EYS: variants seen among roughly 807,000 people sequenced by gnomAD.
EYS encodes protein eyes shut homolog.
Under a neutral mutation model 282.1 loss-of-function variants are expected in EYS, and 250 were observed. The ratio of observed to expected loss-of-function variants is 0.89; its 90% confidence interval spans 0.80 to 0.98. The LOEUF (loss-of-function observed/expected upper bound fraction) is 0.98, where lower values mean the gene tolerates loss of function less well. Ranked by LOEUF, EYS falls within the 50% of genes least tolerant of loss-of-function variation. EYS has a pLI of 0.00. For missense variants in EYS, 4,016 were observed against 3,709.0 expected, an observed-to-expected ratio of 1.08 and a Z score of -2.15; for synonymous variants, 1,355 against 1,282.9, an observed-to-expected ratio of 1.06 and a Z score of -1.20.
intron 33 of EYS, among the ~76,000 whole-genome samples, chr6:64,010,387 T>TG (rs398072771): frequency 7.0e-5 from 8 of 114,968 alleles, no homozygotes; most frequent in African/African-American, 3.4e-4. Flanking sequence ...TGTGTGTGTG[T>TG]TTGGTTGGGG....
At chr6:64,090,558 G>A (rs1429692741) in intron 31 of EYS, among the ~76,000 whole-genome samples, 2 of 151,998 alleles carry the variant, frequency 1.3e-5, no homozygotes, top group East Asian at 3.9e-4. Context: ...TGTGACAGCT[G>A]TGAGTTCCTT....
intron 22 of EYS, among the ~76,000 whole-genome samples, chr6:64,726,214 C>T (rs913412397): frequency 6.6e-6 from 1 of 152,060 alleles, no homozygotes; most frequent in Non-Finnish European, 1.5e-5. Flanking sequence ...CTCTTTCCCC[C>T]ACATCACCTC....
At chr6:65,689,129 G>A (rs944819683) in intron 1 of EYS, among the ~76,000 whole-genome samples, 20 of 150,038 alleles carry the variant, frequency 1.3e-4, no homozygotes, top group African/African-American at 3.6e-4. Context: ...CAACCCAAAC[G>A]TCCAACAATG....
chr6:65,178,793 T>C (rs530782327), intron 12 of EYS, among the ~76,000 whole-genome samples: 4 of 152,054 alleles, frequency 2.6e-5, no homozygotes, highest in Non-Finnish European at 4.4e-5. Context: ...TATTCCAAAA[T>C]TGACCGTATA....
intron 5 of EYS, among the ~76,000 whole-genome samples, chr6:65,426,363 T>C (rs1265031905): frequency 6.6e-6 from 1 of 152,092 alleles, no homozygotes; most frequent in Non-Finnish European, 1.5e-5. Context: ...CTAAATAAAA[T>C]ACAGGGGTAA....
At chr6:64,470,589 TAA>T (rs1776093689) in intron 26 of EYS, among the ~76,000 whole-genome samples, 14 of 151,988 alleles carry the variant, frequency 9.2e-5, no homozygotes, top group Admixed American at 9.2e-4. Flanking sequence ...TAACTATAGC[TAA>T]TGAGCTAAAA....
intron 22 of EYS, among the ~76,000 whole-genome samples, chr6:64,717,365 C>T (rs1430646034): frequency 1.3e-5 from 2 of 152,184 alleles, no homozygotes; most frequent in Non-Finnish European, 2.9e-5. Flanking sequence ...CATATCACCA[C>T]CTCAGCTCCA....
chr6:64,716,239 T>C (rs1771386045), intron 22 of EYS, among the ~76,000 whole-genome samples: 1 of 152,148 alleles, frequency 6.6e-6, no homozygotes, highest in South Asian at 2.1e-4. Flanking sequence ...CAGAAAGCAG[T>C]CAAGTCATGG....
At chr6:63,729,858 T>G (rs984088740) in intron 41 of EYS, among the ~76,000 whole-genome samples, 1 of 152,214 alleles carries the variant, frequency 6.6e-6, no homozygotes, top group African/African-American at 2.4e-5. Context: ...ACCTCTCATC[T>G]AATTCCATGA....
At chr6:65,136,469 C>A (rs1440710186) in intron 12 of EYS, among the ~76,000 whole-genome samples, 10 of 151,878 alleles carry the variant, frequency 6.6e-5, no homozygotes, top group Admixed American at 5.9e-4. Flanking sequence ...GCAAGGTCTA[C>A]CCTGAAAACA....
intron 22 of EYS, among the ~76,000 whole-genome samples, chr6:64,674,268 A>T (rs1769572830): frequency 6.6e-6 from 1 of 152,108 alleles, no homozygotes. Flanking sequence ...CTGATACATC[A>T]TGTAGAGAAT....
chr6:63,734,177 A>G (rs1344987771), intron 41 of EYS, among the ~76,000 whole-genome samples: 1 of 152,166 alleles, frequency 6.6e-6, no homozygotes, highest in African/African-American at 2.4e-5. Flanking sequence ...TACTATGCTC[A>G]CTACCTGGGT....
chr6:64,907,231 A>T (rs570282803), intron 16 of EYS, among the ~76,000 whole-genome samples: 19 of 151,856 alleles, frequency 1.3e-4, no homozygotes, highest in Admixed American at 7.9e-4. Context: ...TTTTTTTTAA[A>T]TTTTTTTGTA....
At chr6:65,197,617 T>A (rs371976165) in intron 12 of EYS, among the ~76,000 whole-genome samples, 4 of 152,278 alleles carry the variant, frequency 2.6e-5, no homozygotes, top group African/African-American at 9.6e-5. Flanking sequence ...CATCCTTTAG[T>A]GATTTCATCA....
chr6:64,828,905 A>T (rs1428864554), intron 19 of EYS, among the ~76,000 whole-genome samples: 1 of 151,984 alleles, frequency 6.6e-6, no homozygotes, highest in East Asian at 1.9e-4. Flanking sequence ...TATAAACTGG[A>T]AATGGATTGC....
intron 29 of EYS, among the ~76,000 whole-genome samples, chr6:64,323,479 T>C (rs1770293946): frequency 1.3e-5 from 2 of 152,172 alleles, no homozygotes; most frequent in Non-Finnish European, 2.9e-5. Flanking sequence ...TGCTATGATG[T>C]TTCATGTACA....
intron 12 of EYS, among the ~76,000 whole-genome samples, chr6:65,226,673 A>G (rs546526412): frequency 6.6e-6 from 1 of 152,328 alleles, no homozygotes; most frequent in Admixed American, 6.5e-5. Context: ...TATTGTTTAT[A>G]GAAGTATGAA....
intron 12 of EYS, among the ~76,000 whole-genome samples, chr6:65,195,216 T>A (rs546182094): frequency 6.6e-6 from 1 of 152,192 alleles, no homozygotes; most frequent in East Asian, 1.9e-4. Flanking sequence ...CTACATATCC[T>A]TTTGCTTATT....
chr6:64,765,853 T>G (rs1773312013), intron 22 of EYS, among the ~76,000 whole-genome samples: 1 of 152,006 alleles, frequency 6.6e-6, no homozygotes, highest in Non-Finnish European at 1.5e-5. Context: ...AGGATACAAC[T>G]TGAGATGAGA....
Sources: allele counts gnomAD v4.1 joint callset (sites outside exome capture counted in the v4.1 genomes callset), GRCh38; gene constraint gnomAD v4.1.1; transcripts MANE v1.5; gene names NCBI Gene and HGNC (gene_info 2026-07-23, HGNC 2026-07-21).